Variants in LRRN2 observed in about 807,000 individuals in gnomAD.
LRRN2 encodes the protein leucine rich repeat neuronal 2, also known as leucine-rich repeat neuronal protein 2.
LRRN2 carries 10 observed loss-of-function variants against 35.7 expected under a neutral mutation model. The observed-to-expected ratio is 0.28, with a 90% CI of 0.17 to 0.47. The LOEUF is 0.47. Among genes scored for constraint, LRRN2 ranks in the 20% least tolerant of loss-of-function variants. The pLI, the probability that LRRN2 is intolerant of heterozygous loss-of-function variation, is 0.99. For missense variants in LRRN2, 731 were observed against 940.3 expected, an observed-to-expected ratio of 0.78 and a Z score of 2.91; for synonymous variants, 391 against 409.6, an observed-to-expected ratio of 0.95 and a Z score of 0.55.
At chr1:204,636,120 C>T (rs1054589624) in intron 1 of LRRN2, among the ~76,000 whole-genome samples, 14 of 152,186 alleles carry the variant, frequency 9.2e-5, no homozygotes, top group Non-Finnish European at 1.9e-4. Context: ...ATACCTTCCA[C>T]GAGCATCGTC....
rs900845997 is a variant in LRRN2, at chr1:204,685,714, C to G, written c.-621G>C. On this transcript the variant is annotated 5_prime_UTR_variant, in exon 1 of 2. Transcript: ENST00000367177. Reference sequence around the variant, plus strand: ...CGGCTTCGCGCTCGCCCTCCTCACTCGCTTCTCCGCCGCTCTCCCAACCTC... The same window carrying G: ...CGGCTTCGCGCTCGCCCTCCTCACTGGCTTCTCCGCCGCTCTCCCAACCTC... The G allele has an allele frequency of 1.3e-5, 2 of 152,336 alleles. No homozygotes were observed. The highest frequency in any genetic ancestry group is 4.8e-5 in the African/African-American group (2 of 41,460). The allele number at this position is 152,336 out of a possible 1,614,324, so 9.4% of individuals were successfully genotyped here. A position where few individuals can be genotyped will look rare whatever the true frequency, so the allele number is the denominator to read the frequency against.
At chr1:204,676,732 A>T (rs1189532001) in intron 1 of LRRN2, among the ~76,000 whole-genome samples, 1 of 152,192 alleles carries the variant, frequency 6.6e-6, no homozygotes, top group Non-Finnish European at 1.5e-5. Flanking sequence ...AAGAAATGTG[A>T]TGAGGTAGGA....
intron 1 of LRRN2, among the ~76,000 whole-genome samples, chr1:204,645,649 AAGACT>A (rs1177961245): frequency 6.6e-6 from 1 of 152,220 alleles, no homozygotes; most frequent in East Asian, 1.9e-4. Flanking sequence ...AGAAATACCC[AAGACT>A]GGGTAATCTG....
chr1:204,636,315 C>T (rs907615615), intron 1 of LRRN2, among the ~76,000 whole-genome samples: 2 of 152,206 alleles, frequency 1.3e-5, no homozygotes, highest in Non-Finnish European at 2.9e-5. Context: ...AGTGGATTCA[C>T]ATGCACACAG....
intron 1 of LRRN2, among the ~76,000 whole-genome samples, chr1:204,655,461 A>T (rs557335168): frequency 8.8e-4 from 49 of 55,940 alleles, no homozygotes; most frequent in African/African-American, 1.9e-3. Flanking sequence ...CTAATTTTTT[A>T]AAAATGTTTT....
intron 1 of LRRN2, among the ~76,000 whole-genome samples, chr1:204,666,701 C>T (rs556872561): frequency 1.2e-4 from 19 of 152,326 alleles, no homozygotes; most frequent in African/African-American, 4.6e-4. Flanking sequence ...TGGCTCATGC[C>T]TGTAATCCCA....
At chr1:204,622,166 G>C (rs1182919224) in intron 1 of LRRN2, 1 of 167,230 alleles carries the variant, frequency 6.0e-6, no homozygotes, top group African/African-American at 2.4e-5. Flanking sequence ...GAGGGTCTGG[G>C]ATGCACTGAA....
rs71147708 is a variant in LRRN2 at position 204,652,263 on chromosome 1, C to CCCCCGCCCCCCCGCCCCCCCG, written c.-226-32046_-226-32045insCGGGGGGGCGGGGGGGCGGGG. On this transcript the variant is annotated intron_variant, in intron 1 of 1. Transcript: ENST00000367177. ...CCTTCGCCCTCTCCTCTTCACCGCCCCCCCCCCGCCCCCCCGCCGCCTTCC... is the reference window on the plus strand; with the variant it reads ...CCTTCGCCCTCTCCTCTTCACCGCCCCCCCGCCCCCCCGCCCCCCCGCCCCCCCGCCCCCCCGCCGCCTTCC... Among the ~76,000 whole-genome samples, 300 of 73,438 alleles carry CCCCCGCCCCCCCGCCCCCCCG rather than the reference C, an allele frequency of 4.1e-3. 2 individuals are homozygous for CCCCCGCCCCCCCGCCCCCCCG. Among genetic ancestry groups the CCCCCGCCCCCCCGCCCCCCCG allele is most frequent in the East Asian group, 0.022 (44 of 1,964 alleles). 48.2% of individuals were successfully genotyped at this position (73,438 alleles called of 152,430 possible).
intron 1 of LRRN2, among the ~76,000 whole-genome samples, chr1:204,643,797 C>T (rs1485967031): frequency 6.6e-6 from 1 of 152,094 alleles, no homozygotes; most frequent in Non-Finnish European, 1.5e-5. Context: ...AGATCAGCCT[C>T]AGGAAGCTGG....
At chr1:204,626,366 T>C (rs1451107197) in intron 1 of LRRN2, among the ~76,000 whole-genome samples, 1 of 152,074 alleles carries the variant, frequency 6.6e-6, no homozygotes, top group African/African-American at 2.4e-5. Flanking sequence ...CCTGCTCACC[T>C]GAGAGAGCCA....
intron 1 of LRRN2, among the ~76,000 whole-genome samples, chr1:204,644,625 C>T (rs903020080): frequency 2.0e-5 from 3 of 152,202 alleles, no homozygotes; most frequent in African/African-American, 4.8e-5. Context: ...TCCTTCTCTC[C>T]TCTTGCTCCC....
At chr1:204,670,828 C>G (rs985258585) in intron 1 of LRRN2, among the ~76,000 whole-genome samples, 6 of 151,992 alleles carry the variant, frequency 3.9e-5, no homozygotes. Context: ...GGGGAGGAAG[C>G]CAGACTGAAG....
chr1:204,617,766 CT>C lies in LRRN2; in HGVS notation c.*84del. 6.8e-7 allele frequency: 1 copy of C among 1,478,120 alleles called. No individual in the cohort carries two copies. Among genetic ancestry groups the C allele is most frequent in the Non-Finnish European group, 9.4e-7 (1 of 1,066,528 alleles). 91.6% of individuals were successfully genotyped at this position (1,478,120 alleles called of 1,614,324 possible). On this transcript the variant is annotated 3_prime_UTR_variant, in exon 2 of 2. Coordinates refer to ENST00000367177, the MANE Select transcript of LRRN2 (RefSeq NM_201630.2). ...AAGCACGTGGGTCCATGTCCCTTTC[CT>C]GGCAGGGCATCTGGCCCAGACTGCT... is the stretch of plus-strand genomic sequence containing the variant.
chr1:204,670,253 G>A (rs1021874879), intron 1 of LRRN2, among the ~76,000 whole-genome samples: 3 of 152,278 alleles, frequency 2.0e-5, no homozygotes, highest in Middle Eastern at 3.4e-3. Flanking sequence ...AGGCGGTAGA[G>A]AAAAGGGAAG....
At chr1:204,649,245 G>C (rs1349863175) in intron 1 of LRRN2, among the ~76,000 whole-genome samples, 1 of 152,200 alleles carries the variant, frequency 6.6e-6, no homozygotes, top group Non-Finnish European at 1.5e-5. Context: ...GTTGGTTCTC[G>C]CCTAAGAGCA....
intron 1 of LRRN2, among the ~76,000 whole-genome samples, chr1:204,678,935 GGTCT>G (rs1271143868): frequency 6.6e-6 from 1 of 152,192 alleles, no homozygotes; most frequent in East Asian, 1.9e-4. Flanking sequence ...GAAGGGCAGA[GGTCT>G]GTCTGGTCAT....
Position 204,666,790 on chromosome 1 carries a change from G to A in LRRN2, c.-227+18530C>T, listed in dbSNP as rs145971451. On this transcript the variant is annotated intron_variant, in intron 1 of 1. Transcript: ENST00000367177. ...AGCCTGGCCATCATGGTGAAACCCA[G>A]TCTCTACTAAAAATACAAAAAATTA... Among the ~76,000 whole-genome samples, 561 of 152,010 alleles carry A rather than the reference G, an allele frequency of 3.7e-3. 14 individuals are homozygous for A. The highest frequency in any genetic ancestry group is 0.032 in the Admixed American group (496 of 15,262).
intron 1 of LRRN2, among the ~76,000 whole-genome samples, chr1:204,652,304 A>T (rs1315730872): frequency 1.2e-5 from 1 of 86,582 alleles, no homozygotes; most frequent in African/African-American, 4.8e-5. Context: ...GCCTCCCTGA[A>T]CCACAGCTGC....
At chr1:204,622,496 A>G (rs1488503007) in intron 1 of LRRN2, among the ~76,000 whole-genome samples, 3 of 152,220 alleles carry the variant, frequency 2.0e-5, no homozygotes, top group Non-Finnish European at 4.4e-5. Context: ...AGGTTTTGAT[A>G]GGGGTGTGTG....
Sources: gnomAD v4.1 joint callset for allele counts (sites outside exome capture counted in the v4.1 genomes callset) on GRCh38, gnomAD v4.1.1 for gene constraint, MANE v1.5 for transcripts, NCBI Gene and HGNC (gene_info 2026-07-23, HGNC 2026-07-21) for gene names.